Variants in ARHGAP6 observed in about 807,000 individuals in gnomAD.
ARHGAP6 encodes rho GTPase-activating protein 6.
Under a neutral mutation model 55.7 loss-of-function variants are expected in ARHGAP6, and 16 were observed. That is an observed-to-expected ratio of 0.29 (90% confidence interval 0.19 to 0.44). ARHGAP6 has a LOEUF of 0.44. Among genes scored for constraint, ARHGAP6 ranks in the 20% least tolerant of loss-of-function variants. The pLI is 1.00. For synonymous variants in ARHGAP6, 382 were observed against 360.9 expected (o/e 1.06, Z -0.66); for missense variants, 698 against 808.9 (o/e 0.86, Z 1.66).
intron 1 of ARHGAP6, among the ~76,000 whole-genome samples, chrX:11,295,381 C>T (rs1344094101): frequency 9.0e-6 from 1 of 111,424 alleles, no homozygotes; most frequent in Non-Finnish European, 1.9e-5. Context: ...TTGGGTACAT[C>T]TGATGAGTAC....
intron 1 of ARHGAP6, among the ~76,000 whole-genome samples, chrX:11,398,251 C>T (rs1383433596): frequency 1.1e-5 from 1 of 91,254 alleles, no homozygotes; most frequent in South Asian, 5.5e-4. Context: ...GTAAGGACTG[C>T]GTAAGTGCTA....
chrX:11,212,144 T>C (rs1293753704), intron 2 of ARHGAP6, among the ~76,000 whole-genome samples: 1 of 111,819 alleles, frequency 8.9e-6, no homozygotes, highest in East Asian at 2.8e-4. Flanking sequence ...TATTAGACTA[T>C]ATATGTATTA....
intron 1 of ARHGAP6, among the ~76,000 whole-genome samples, chrX:11,271,026 C>G (rs1195511978): frequency 8.9e-6 from 1 of 111,739 alleles, no homozygotes; most frequent in Non-Finnish European, 1.9e-5. Flanking sequence ...TCCTTCTACT[C>G]ATGTAGTGAG....
In ARHGAP6 at chrX:11,443,914, C is replaced by T. The variant is rs138066115; in HGVS notation, c.589-189207G>A. On this transcript the variant is annotated intron_variant, in intron 1 of 12. Transcript: ENST00000337414. ...CCGCACTCCAGCCTGGGTGACAGAG[C>T]GAGACTCCGTCTCAAACAAAACAAA... 6.1e-3 allele frequency among the ~76,000 whole-genome samples: 664 copies of T among 109,450 alleles called. 6 individuals are homozygous for T. The highest frequency in any genetic ancestry group is 9.4e-3 in the Non-Finnish European group (492 of 52,562).
intron 1 of ARHGAP6, among the ~76,000 whole-genome samples, chrX:11,460,880 A>G (rs1173065331): frequency 8.9e-6 from 1 of 111,972 alleles, no homozygotes; most frequent in African/African-American, 3.2e-5. Flanking sequence ...CTCCACTCAA[A>G]TGAGCTTATT....
intron 1 of ARHGAP6, among the ~76,000 whole-genome samples, chrX:11,510,733 G>A (rs977193767): frequency 3.6e-5 from 4 of 111,463 alleles, no homozygotes; most frequent in Non-Finnish European, 7.5e-5. Flanking sequence ...TAAGGCCTTC[G>A]AGCCAAATCC....
chrX:11,186,480 C>A, intron 4 of ARHGAP6, 49 bp from the exon 5 acceptor site: 1 of 1,008,976 alleles, frequency 9.9e-7, no homozygotes, highest in Non-Finnish European at 1.4e-6. Context: ...AGCCAAAAAA[C>A]CCAGCTGCCC....
At chrX:11,223,600 A>G (rs1296103887) in intron 2 of ARHGAP6, among the ~76,000 whole-genome samples, 4 of 112,029 alleles carry the variant, frequency 3.6e-5, no homozygotes, top group Non-Finnish European at 7.5e-5. Flanking sequence ...TAGATCCTTA[A>G]CAATATTAAG....
chrX:11,187,892 C>T (rs1452117170), intron 4 of ARHGAP6, among the ~76,000 whole-genome samples: 1 of 111,384 alleles, frequency 9.0e-6, no homozygotes, highest in Non-Finnish European at 1.9e-5. Context: ...AACAGCTAGG[C>T]GTGGTGGTGC....
At chrX:11,190,885 A>G (rs887889565) in intron 3 of ARHGAP6, among the ~76,000 whole-genome samples, 3 of 112,177 alleles carry the variant, frequency 2.7e-5, no homozygotes, top group African/African-American at 9.7e-5. Context: ...AGCAACCAGC[A>G]GGTGCAAAGG....
intron 2 of ARHGAP6, among the ~76,000 whole-genome samples, chrX:11,224,014 C>T (rs1160722112): frequency 8.9e-6 from 1 of 112,038 alleles, no homozygotes; most frequent in Non-Finnish European, 1.9e-5. Flanking sequence ...TACTCCCTTG[C>T]TACTTTATAG....
At chrX:11,270,106 CA>C (rs1304177483) in intron 1 of ARHGAP6, among the ~76,000 whole-genome samples, 1 of 112,013 alleles carries the variant, frequency 8.9e-6, no homozygotes, top group Non-Finnish European at 1.9e-5. Flanking sequence ...AAAGTTGAAA[CA>C]AAGAGAGCGT....
At chrX:11,405,780 G>T (rs1049495860) in intron 1 of ARHGAP6, among the ~76,000 whole-genome samples, 1 of 112,045 alleles carries the variant, frequency 8.9e-6, no homozygotes, top group Non-Finnish European at 1.9e-5. Context: ...TATGGTCTTT[G>T]TAATCAGTGG....
intron 2 of ARHGAP6, among the ~76,000 whole-genome samples, chrX:11,244,198 A>G (rs771286226): frequency 1.8e-5 from 2 of 112,192 alleles, no homozygotes; most frequent in African/African-American, 6.5e-5. Context: ...ATTAATTTCA[A>G]ATTAGGGGTT....
chrX:11,526,050 T>A lies in ARHGAP6; in HGVS notation c.588+138191A>T, dbSNP rs2050985805. On this transcript the variant is annotated intron_variant, in intron 1 of 12. Transcript: ENST00000337414. Reference sequence around the variant, plus strand: ...CCTTAGTCCATTTCTTAACATTGAGTTCTCCCAGAAGCAGAGAGTGAGATA... The same window carrying A: ...CCTTAGTCCATTTCTTAACATTGAGATCTCCCAGAAGCAGAGAGTGAGATA... Among the ~76,000 whole-genome samples, 3 of 111,773 alleles carry A rather than the reference T, an allele frequency of 2.7e-5. No individual in the cohort carries two copies. The South Asian group carries it at 1.1e-3, about 42-fold the overall frequency.
At chrX:11,640,233 T>C (rs764241626) in intron 1 of ARHGAP6, among the ~76,000 whole-genome samples, 1 of 111,907 alleles carries the variant, frequency 8.9e-6, no homozygotes, top group East Asian at 2.8e-4. Context: ...AGGCTATTTG[T>C]TGATTCAATG....
At chrX:11,228,805 CTA>C (rs748407584) in intron 2 of ARHGAP6, among the ~76,000 whole-genome samples, 45 of 111,934 alleles carry the variant, frequency 4.0e-4, no homozygotes, top group Admixed American at 1.1e-3. Context: ...AAACTTGAAC[CTA>C]TGTTATATGA....
chrX:11,334,489 T>C (rs1167849492), intron 1 of ARHGAP6: 1 of 113,854 alleles, frequency 8.8e-6, no homozygotes, highest in African/African-American at 3.2e-5. Context: ...GGCCATGATT[T>C]TCACTTCTTG....
chrX:11,376,697 C>T (rs776580725), intron 1 of ARHGAP6, among the ~76,000 whole-genome samples: 3 of 112,725 alleles, frequency 2.7e-5, no homozygotes, highest in African/African-American at 9.6e-5. Context: ...CAAATTATTA[C>T]AGCAAAATGC....
Sources: allele counts gnomAD v4.1 joint callset (sites outside exome capture counted in the v4.1 genomes callset), GRCh38; gene constraint gnomAD v4.1.1; transcripts MANE v1.5; gene names NCBI Gene and HGNC (gene_info 2026-07-23, HGNC 2026-07-21).